The following PIK3C2G variants were observed in gnomAD, a reference collection of about 807,000 sequenced individuals.
PIK3C2G encodes the protein phosphatidylinositol 3-kinase C2 domain-containing subunit gamma.
In PIK3C2G, 168 loss-of-function variants were observed where a neutral mutation model predicts 181.1. The ratio of observed to expected loss-of-function variants is 0.93; its 90% confidence interval spans 0.82 to 1.05. PIK3C2G has a LOEUF of 1.05. Ranked by LOEUF, PIK3C2G falls within the 50% of genes least tolerant of loss-of-function variation. The probability of loss-of-function intolerance (pLI) is 0.00; values close to 1 mark genes in which losing one functional copy is unlikely to be tolerated. For missense variants in PIK3C2G, 1,869 were observed against 1,732.8 expected (o/e 1.08, Z -1.40); for synonymous variants, 573 against 592.2 (o/e 0.97, Z 0.47).
intron 1 of PIK3C2G, among the ~76,000 whole-genome samples, chr12:18,273,234 T>C (rs1018494448): frequency 3.9e-5 from 6 of 152,230 alleles, no homozygotes; most frequent in Non-Finnish European, 8.8e-5. Flanking sequence ...TAGGGAATCC[T>C]TTCCCCATTG....
chr12:18,280,933 GAAGA>G (rs1257836159), intron 1 of PIK3C2G, among the ~76,000 whole-genome samples: 17 of 151,954 alleles, frequency 1.1e-4, no homozygotes, highest in Admixed American at 1.1e-3. Flanking sequence ...GGATATAGAA[GAAGA>G]AAGATGAGGA....
At chr12:18,546,516 C>A in intron 26 of PIK3C2G, 84 bp downstream of exon 26, 1 of 771,944 alleles carries the variant, frequency 1.3e-6, no homozygotes, top group Admixed American at 2.1e-5. Flanking sequence ...TTCAGGTTGA[C>A]CAGTCATTGG....
At chr12:18,363,099 C>A in intron 12 of PIK3C2G, 4 of 393,358 alleles carry the variant, frequency 1.0e-5, no homozygotes, top group Non-Finnish European at 1.8e-5. Context: ...GTGTCCAATT[C>A]ACATTATTGA....
the PIK3C2G span, among the ~76,000 whole-genome samples, chr12:18,707,396 GC>G: frequency 6.6e-6 from 1 of 152,000 alleles, no homozygotes; most frequent in Non-Finnish European, 1.5e-5. Context: ...CTTCCATGAG[GC>G]CCTGATGTCA....
Position 18,291,007 on chromosome 12 carries a change from C to T in PIK3C2G, c.914C>T (p.Pro305Leu). Residue 305 changes from proline to leucine, a missense_variant, in exon 4 of 33, where the codon CCA (proline) becomes CTA (leucine). By Grantham distance (98) the Pro-to-Leu change is moderately conservative. Coordinates refer to ENST00000538779, the MANE Select transcript of PIK3C2G (RefSeq NM_001288772.2). ...TCAACACAACCTCTTCATTTTATGC[C>T]ATGTGGTAAGCAACCTTGCAAATAA... ...DNSTQPLHFMPCANYLVKDLI... is the reference protein window; with the variant it reads ...DNSTQPLHFMLCANYLVKDLI... 6.3e-7 allele frequency: 1 copy of T among 1,595,134 alleles called. No individual in the cohort carries two copies. Among genetic ancestry groups the T allele is most frequent in the Non-Finnish European group, 8.6e-7 (1 of 1,165,194 alleles).
chr12:18,468,213 G>C (rs2135964665), intron 18 of PIK3C2G, among the ~76,000 whole-genome samples: 1 of 152,006 alleles, frequency 6.6e-6, no homozygotes, highest in East Asian at 1.9e-4. Context: ...TCTGGAGTTA[G>C]TCTGCAATTT....
chr12:18,678,720 C>T, the PIK3C2G span, among the ~76,000 whole-genome samples: 1 of 151,914 alleles, frequency 6.6e-6, no homozygotes, highest in African/African-American at 2.4e-5. Context: ...TTGGATATAA[C>T]ATCATTTGTT....
intron 1 of PIK3C2G, among the ~76,000 whole-genome samples, chr12:18,274,995 A>G (rs1462777135): frequency 6.6e-6 from 1 of 152,100 alleles, no homozygotes; most frequent in East Asian, 1.9e-4. Context: ...TATCTCTGTC[A>G]TTTTGATTGT....
At chr12:18,574,806 A>T (rs1946145715) in intron 29 of PIK3C2G, among the ~76,000 whole-genome samples, 1 of 152,160 alleles carries the variant, frequency 6.6e-6, no homozygotes, top group South Asian at 2.1e-4. Context: ...GTTCAACAAC[A>T]TTTCTTTTCC....
intron 18 of PIK3C2G, among the ~76,000 whole-genome samples, chr12:18,477,076 C>CA (rs1939076450): frequency 6.6e-6 from 1 of 152,194 alleles, no homozygotes; most frequent in African/African-American, 2.4e-5. Context: ...CCTGCGTCCT[C>CA]ACATGGCCTT....
At chr12:18,458,105 AC>A (rs1947726609) in intron 18 of PIK3C2G, among the ~76,000 whole-genome samples, 1 of 152,196 alleles carries the variant, frequency 6.6e-6, no homozygotes, top group South Asian at 2.1e-4. Context: ...CTTATTTACT[AC>A]CTTCATCTTA....
intron 10 of PIK3C2G, among the ~76,000 whole-genome samples, chr12:18,345,667 G>T (rs372813217): frequency 6.6e-6 from 1 of 151,936 alleles, no homozygotes; most frequent in African/African-American, 2.4e-5. Context: ...AGAAACAAAA[G>T]GCAATTCATG....
chr12:18,346,056 T>C (rs551337449), intron 10 of PIK3C2G, among the ~76,000 whole-genome samples: 10 of 152,174 alleles, frequency 6.6e-5, no homozygotes, highest in African/African-American at 1.4e-4. Flanking sequence ...AAATAACTAA[T>C]GGCAAAACTC....
chr12:18,723,034 C>A, the PIK3C2G span, among the ~76,000 whole-genome samples: 2 of 151,896 alleles, frequency 1.3e-5, no homozygotes, highest in African/African-American at 4.8e-5. Context: ...TTACTTTCAC[C>A]TCCAAGCTCA....
intron 1 of PIK3C2G, among the ~76,000 whole-genome samples, chr12:18,252,375 A>G (rs934485296): frequency 6.6e-6 from 1 of 152,210 alleles, no homozygotes; most frequent in African/African-American, 2.4e-5. Flanking sequence ...AAAGATGGAA[A>G]TAATATATGA....
At chr12:18,531,463 A>C (rs1326940145) in intron 24 of PIK3C2G, among the ~76,000 whole-genome samples, 3 of 152,160 alleles carry the variant, frequency 2.0e-5, no homozygotes, top group Admixed American at 6.6e-5. Context: ...ATACATTCAA[A>C]ATACAGAACA....
chr12:18,438,776 C>T (rs980796499), intron 18 of PIK3C2G, among the ~76,000 whole-genome samples: 1 of 151,856 alleles, frequency 6.6e-6, no homozygotes, highest in Admixed American at 6.6e-5. Context: ...AATTTCAACT[C>T]AGGCCTCTCC....
chr12:18,454,387 A>G (rs1947519493), intron 18 of PIK3C2G, among the ~76,000 whole-genome samples: 1 of 152,154 alleles, frequency 6.6e-6, no homozygotes, highest in African/African-American at 2.4e-5. Context: ...TGAGGGAATC[A>G]GCCATGAAGA....
intron 13 of PIK3C2G, among the ~76,000 whole-genome samples, chr12:18,371,784 T>A (rs931901523): frequency 4.6e-5 from 7 of 152,190 alleles, no homozygotes; most frequent in Non-Finnish European, 8.8e-5. Flanking sequence ...TAAGTTCAGA[T>A]ATTCTCTCAG....
Sources: allele counts gnomAD v4.1 joint callset (sites outside exome capture counted in the v4.1 genomes callset), GRCh38; gene constraint gnomAD v4.1.1; transcripts MANE v1.5; gene names NCBI Gene and HGNC (gene_info 2026-07-23, HGNC 2026-07-21).